The following NDST3 variants were observed in gnomAD, a reference collection of about 807,000 sequenced individuals.
NDST3 encodes N-deacetylase and N-sulfotransferase 3.
In NDST3, 58 loss-of-function variants were observed where a neutral mutation model predicts 96.1. The observed-to-expected ratio is 0.60, with a 90% CI of 0.49 to 0.75. The LOEUF is 0.75. Among genes scored for constraint, NDST3 ranks in the 30% least tolerant of loss-of-function variants. The probability of loss-of-function intolerance (pLI) is 0.00; values close to 1 mark genes in which losing one functional copy is unlikely to be tolerated. For synonymous variants in NDST3, 333 were observed against 359.7 expected, an observed-to-expected ratio of 0.93 and a Z score of 0.84; for missense variants, 788 against 1,034.2, an observed-to-expected ratio of 0.76 and a Z score of 3.27.
rs781485238 is a variant in NDST3 at position 118,054,690 on chromosome 4, C to T, written c.780C>T (p.Asp260=). The T allele has an allele frequency of 1.2e-6, 2 of 1,613,306 alleles. No individual in the cohort carries two copies. Among genetic ancestry groups the T allele is most frequent in the Non-Finnish European group, 1.7e-6 (2 of 1,179,482 alleles). ...CTTTTTATGCCACTATTATACATGA[C>T]CTGGGGCTTCATGATGGAATTCAAA... ...KGAFYATIIH[D]LGLHDGIQRV... Residue 260 remains aspartate (D), a synonymous_variant, in exon 2 of 14, where the codon GAC becomes GAT. Transcript: ENST00000296499.
At chr4:118,129,065 G>T (rs1406164559) in intron 4 of NDST3, among the ~76,000 whole-genome samples, 1 of 151,410 alleles carries the variant, frequency 6.6e-6, no homozygotes, top group Admixed American at 6.6e-5. Flanking sequence ...TATTTATTTG[G>T]GTCCTCATCC....
Position 118,186,176 on chromosome 4 carries a change from G to C in NDST3, c.1540-38315G>C, listed in dbSNP as rs572348070. On this transcript the variant is annotated intron_variant, in intron 6 of 13. Coordinates refer to ENST00000296499, the MANE Select transcript of NDST3 (RefSeq NM_004784.3). ...TTCCTTAAAGTTTCAGTTTGATTGT[G>C]TCATATTTAGCATGAGTGACTCCAT... Among the ~76,000 whole-genome samples the C allele has an allele frequency of 2.6e-5, 4 of 152,200 alleles. No homozygotes were observed. In the South Asian group the frequency reaches 8.3e-4, roughly 32 times the overall value.
intron 2 of NDST3, among the ~76,000 whole-genome samples, chr4:118,062,255 C>T (rs1346660490): frequency 2.0e-5 from 3 of 152,158 alleles, no homozygotes; most frequent in African/African-American, 7.2e-5. Flanking sequence ...TTCCCTCATC[C>T]TTAAAAGATA....
At chr4:118,198,574 AAAT>A (rs1232642577) in intron 6 of NDST3, among the ~76,000 whole-genome samples, 7 of 152,126 alleles carry the variant, frequency 4.6e-5, no homozygotes, top group African/African-American at 1.7e-4. Flanking sequence ...CTTTCTCCTT[AAAT>A]AACAGTAGTT....
At chr4:118,220,252 T>C (rs1739450263) in intron 6 of NDST3, among the ~76,000 whole-genome samples, 1 of 151,954 alleles carries the variant, frequency 6.6e-6, no homozygotes, top group Admixed American at 6.6e-5. Flanking sequence ...GTGGTACATA[T>C]AAACCATGGG....
At chr4:118,077,696 G>A (rs1727661435) in intron 2 of NDST3, among the ~76,000 whole-genome samples, 2 of 152,216 alleles carry the variant, frequency 1.3e-5, no homozygotes, top group South Asian at 4.1e-4. Flanking sequence ...ATCTCTCTCA[G>A]TGATCCAAGA....
intron 2 of NDST3, among the ~76,000 whole-genome samples, chr4:118,071,008 AATG>A (rs927557198): frequency 6.6e-5 from 10 of 152,008 alleles, no homozygotes; most frequent in African/African-American, 2.4e-4. Context: ...GTTTGCTGAG[AATG>A]ATGGTTTCCA....
At chr4:118,087,232 C>T (rs1728494993) in intron 2 of NDST3, among the ~76,000 whole-genome samples, 1 of 152,080 alleles carries the variant, frequency 6.6e-6, no homozygotes. Flanking sequence ...TTTTAAAGAT[C>T]ACATAGATGA....
chr4:118,054,927 T>G (rs201060659), intron 2 of NDST3, 36 bp downstream of exon 2: 3 of 1,600,650 alleles, frequency 1.9e-6, no homozygotes, highest in Non-Finnish European at 2.5e-6. Flanking sequence ...AAAGTTCAGT[T>G]CATCTTCCAG....
At chr4:118,090,717 G>C (rs900446906) in intron 2 of NDST3, among the ~76,000 whole-genome samples, 2 of 151,788 alleles carry the variant, frequency 1.3e-5, no homozygotes, top group Non-Finnish European at 2.9e-5. Flanking sequence ...AAAAAAAGGA[G>C]CTATTTCTTC....
intron 6 of NDST3, among the ~76,000 whole-genome samples, chr4:118,210,918 AT>A (rs1447163827): frequency 6.6e-6 from 1 of 152,168 alleles, no homozygotes; most frequent in Non-Finnish European, 1.5e-5. Flanking sequence ...TTTTAAACAT[AT>A]GCATATGACA....
chr4:118,177,568 T>C (rs989978097), intron 6 of NDST3, among the ~76,000 whole-genome samples: 3 of 152,030 alleles, frequency 2.0e-5, no homozygotes, highest in African/African-American at 7.2e-5. Context: ...CATGACCCTA[T>C]AGATTTTTCC....
At chr4:118,038,862 C>T (rs540562239) in intron 1 of NDST3, among the ~76,000 whole-genome samples, 1 of 152,264 alleles carries the variant, frequency 6.6e-6, no homozygotes, top group East Asian at 1.9e-4. Flanking sequence ...CCAACTTTAA[C>T]ATGATTCTAT....
intron 6 of NDST3, among the ~76,000 whole-genome samples, chr4:118,181,934 A>G (rs1458252220): frequency 6.6e-6 from 1 of 152,206 alleles, no homozygotes; most frequent in Non-Finnish European, 1.5e-5. Context: ...TAGGTGACTC[A>G]GGACAAAAAT....
intron 4 of NDST3, among the ~76,000 whole-genome samples, chr4:118,126,334 C>T (rs1167696677): frequency 3.3e-5 from 5 of 151,718 alleles, no homozygotes; most frequent in East Asian, 3.9e-4. Context: ...TCAATTGTTT[C>T]GAGTTTTATA....
At chr4:118,232,968 G>T (rs201158258) in intron 8 of NDST3, 44 bp from the exon 9 acceptor site, 1,193 of 1,570,454 alleles carry the variant, frequency 7.6e-4, no homozygotes, top group Non-Finnish European at 9.2e-4. Context: ...ATAGGAAATT[G>T]TGTTTTCATT....
chr4:118,252,669 T>C (rs1741822433), intron 12 of NDST3, among the ~76,000 whole-genome samples: 1 of 152,180 alleles, frequency 6.6e-6, no homozygotes, highest in African/African-American at 2.4e-5. Context: ...GACAGGCGGA[T>C]CACCTGAGGT....
intron 3 of NDST3, among the ~76,000 whole-genome samples, chr4:118,109,789 A>C (rs1321162397): frequency 1.3e-5 from 2 of 152,218 alleles, no homozygotes; most frequent in Non-Finnish European, 1.5e-5. Flanking sequence ...TTCTATAAAA[A>C]AATTCTATCC....
At chr4:118,137,120 AT>A (rs1220353126) in intron 4 of NDST3, among the ~76,000 whole-genome samples, 2 of 152,228 alleles carry the variant, frequency 1.3e-5, no homozygotes, top group Non-Finnish European at 2.9e-5. Context: ...GCCTGATACT[AT>A]GATTCTGTGT....
Sources: gnomAD v4.1 joint callset for allele counts (sites outside exome capture counted in the v4.1 genomes callset) on GRCh38, gnomAD v4.1.1 for gene constraint, MANE v1.5 for transcripts, NCBI Gene and HGNC (gene_info 2026-07-23, HGNC 2026-07-21) for gene names.